DACH1: variants seen among roughly 807,000 people sequenced by gnomAD.
The protein encoded by DACH1 is dachshund family transcription factor 1, also known as dachshund homolog 1.
Under a neutral mutation model 54.2 loss-of-function variants are expected in DACH1, and 12 were observed. The ratio of observed to expected loss-of-function variants is 0.22; its 90% CI spans 0.14 to 0.36. The LOEUF (loss-of-function observed/expected upper bound fraction) is 0.36. DACH1 is among the 10% of genes least tolerant of loss of function. DACH1 has a pLI of 1.00. For synonymous variants in DACH1, 386 were observed against 366.2 expected (o/e 1.05, Z -0.62); for missense variants, 805 against 929.8 (o/e 0.87, Z 1.75).
chr13:71,610,781 A>G (rs527442177), intron 3 of DACH1, among the ~76,000 whole-genome samples: 5 of 152,318 alleles, frequency 3.3e-5, no homozygotes, highest in African/African-American at 1.2e-4. Context: ...ATCTTAAAAG[A>G]TCTCTCAACT....
At chr13:71,604,930 G>A (rs1198037431) in intron 3 of DACH1, among the ~76,000 whole-genome samples, 3 of 151,614 alleles carry the variant, frequency 2.0e-5, no homozygotes, top group African/African-American at 4.9e-5. Flanking sequence ...CATGTAAACC[G>A]AAACACTTCT....
chr13:71,486,153 T>A (rs1028360319), intron 7 of DACH1, among the ~76,000 whole-genome samples: 50 of 151,998 alleles, frequency 3.3e-4, no homozygotes, highest in African/African-American at 1.1e-3. Flanking sequence ...AAATCCAGGC[T>A]TTTTAAATTA....
At chr13:71,781,625 G>A (rs901718230) in intron 1 of DACH1, among the ~76,000 whole-genome samples, 3 of 151,958 alleles carry the variant, frequency 2.0e-5, no homozygotes, top group Non-Finnish European at 2.9e-5. Context: ...TGATCCGCCC[G>A]CCTCGGCCTC....
At chr13:71,865,777 C>A in intron 1 of DACH1, 145 bp downstream of exon 1, 1 of 1,256,348 alleles carries the variant, frequency 8.0e-7, no homozygotes. Context: ...TGGCGAGCCC[C>A]GAGCAGGGAG....
intron 1 of DACH1, among the ~76,000 whole-genome samples, chr13:71,834,490 A>G (rs2138215851): frequency 6.6e-6 from 1 of 152,210 alleles, no homozygotes; most frequent in South Asian, 2.1e-4. Flanking sequence ...CACCTCTGAA[A>G]TACTATTATG....
chr13:71,477,102 ATATTT>A lies in DACH1; in HGVS notation c.1871-1258_1871-1254del, dbSNP rs1285928750. 8.4e-3 allele frequency among the ~76,000 whole-genome samples: 459 copies of A among 54,484 alleles called. 4 individuals are homozygous for A. Among genetic ancestry groups the A allele is most frequent in the African/African-American group, 0.024 (374 of 15,476 alleles). The allele number at this position is 54,484 out of a possible 152,430, so 35.7% of individuals were successfully genotyped here. On this transcript the variant is annotated intron_variant, in intron 8 of 10. Coordinates refer to ENST00000613252, the MANE Select transcript of DACH1 (RefSeq NM_080759.6). ...TTATTATATATATATATATATATAT[ATATTT>A]TTTTTTTTTTTTTTTTTTTTTTTTT... is the stretch of plus-strand genomic sequence containing the variant.
intron 1 of DACH1, among the ~76,000 whole-genome samples, chr13:71,711,628 T>A (rs1379145548): frequency 6.6e-6 from 1 of 152,142 alleles, no homozygotes; most frequent in African/African-American, 2.4e-5. Context: ...TCATTTGTAA[T>A]CAAACCAGAA....
Position 71,765,775 on chromosome 13 carries a change from C to T in DACH1, c.849-83865G>A, listed in dbSNP as rs148699769. ...AGTTTTATAAGTAATGTTTCCATAA[C>T]AACTAACATCTACAGTCATGGAATA... On this transcript the variant is annotated intron_variant, in intron 1 of 10. Transcript: ENST00000613252. Among the ~76,000 whole-genome samples, 16 of 151,988 alleles carry T rather than the reference C, an allele frequency of 1.1e-4. No individual in the cohort carries two copies. The East Asian group carries it at 2.9e-3, about 28-fold the overall frequency.
At chr13:71,701,875 C>A (rs990004295) in intron 1 of DACH1, among the ~76,000 whole-genome samples, 3 of 152,022 alleles carry the variant, frequency 2.0e-5, no homozygotes, top group African/African-American at 4.8e-5. Flanking sequence ...AACAGGGGAG[C>A]CTAAACTTCT....
At chr13:71,803,389 A>G (rs1251019667) in intron 1 of DACH1, among the ~76,000 whole-genome samples, 2 of 152,144 alleles carry the variant, frequency 1.3e-5, no homozygotes, top group African/African-American at 4.8e-5. Context: ...GTTACTAAAG[A>G]ATTGGAACTG....
intron 6 of DACH1, among the ~76,000 whole-genome samples, chr13:71,525,937 C>G (rs1436786802): frequency 6.6e-6 from 1 of 151,894 alleles, no homozygotes; most frequent in East Asian, 1.9e-4. Context: ...TTTGAAGAAC[C>G]AAGAGATCAA....
At chr13:71,654,750 G>A (rs1008500928) in intron 2 of DACH1, among the ~76,000 whole-genome samples, 1 of 151,976 alleles carries the variant, frequency 6.6e-6, no homozygotes, top group Admixed American at 6.6e-5. Flanking sequence ...CAATATTTTG[G>A]CCATTATGTC....
intron 4 of DACH1, among the ~76,000 whole-genome samples, chr13:71,571,235 A>G (rs1885174070): frequency 6.6e-6 from 1 of 152,202 alleles, no homozygotes; most frequent in Non-Finnish European, 1.5e-5. Context: ...GAATAATCAC[A>G]TCGTATACAT....
intron 1 of DACH1, among the ~76,000 whole-genome samples, chr13:71,782,329 C>T (rs1053131974): frequency 1.3e-5 from 2 of 151,998 alleles, no homozygotes; most frequent in Admixed American, 6.6e-5. Context: ...GTAGTCCTAG[C>T]CACTAAGGAG....
intron 1 of DACH1, among the ~76,000 whole-genome samples, chr13:71,745,004 G>C (rs180671129): frequency 1.5e-3 from 234 of 152,090 alleles, no homozygotes; most frequent in African/African-American, 5.4e-3. Context: ...TCATATCTCG[G>C]AATATTGTTT....
chr13:71,475,484 G>T lies in DACH1; in HGVS notation c.2014+222C>A, dbSNP rs140775782. Among the ~76,000 whole-genome samples, 118 of 152,206 alleles carry T rather than the reference G, an allele frequency of 7.8e-4. 3 individuals carry two copies. In the East Asian group the frequency reaches 0.021, roughly 27 times the overall value. On this transcript the variant is annotated intron_variant, in intron 9 of 10. Transcript: ENST00000613252. ...GAAAAAAATCTGGTTAAGCAGAGAAGTAATGCCAAGTCCCAGATGCTGGAG... is the reference window on the plus strand; with the variant it reads ...GAAAAAAATCTGGTTAAGCAGAGAATTAATGCCAAGTCCCAGATGCTGGAG...
rs754813592 is a variant in DACH1 at position 71,475,719 on chromosome 13, G to C, written c.2001C>G (p.Leu667=). 2 of 1,612,482 alleles carry C rather than the reference G, an allele frequency of 1.2e-6. No homozygotes were observed. The highest frequency in any genetic ancestry group is 1.7e-6 in the Non-Finnish European group (2 of 1,179,554). Residue 667 remains leucine, a synonymous_variant, in exon 9 of 11, where the codon CTC becomes CTG. Coordinates refer to ENST00000613252, the MANE Select transcript of DACH1 (RefSeq NM_080759.6). ...TLKQAASTDS[L]RVLNDSLTPE... ...ACACCCTCTTACCATTTAAGACCCT[G>C]AGACTATCTGTTGAAGCTGCCTGTT...
At chr13:71,740,144 C>T (rs983257029) in intron 1 of DACH1, among the ~76,000 whole-genome samples, 19 of 152,168 alleles carry the variant, frequency 1.2e-4, no homozygotes, top group Non-Finnish European at 2.1e-4. Context: ...AGTTCAACAA[C>T]TGTTGGATTT....
At chr13:71,680,330 G>A (rs1320354840) in intron 2 of DACH1, among the ~76,000 whole-genome samples, 1 of 152,060 alleles carries the variant, frequency 6.6e-6, no homozygotes, top group Non-Finnish European at 1.5e-5. Context: ...GGCTGGGTAT[G>A]GTGGCTCATG....
Sources: gnomAD v4.1 joint callset for allele counts (sites outside exome capture counted in the v4.1 genomes callset) on GRCh38, gnomAD v4.1.1 for gene constraint, MANE v1.5 for transcripts, NCBI Gene and HGNC (gene_info 2026-07-23, HGNC 2026-07-21) for gene names.